ASCC2: variants seen among roughly 807,000 people sequenced by gnomAD.
The protein encoded by ASCC2 is ASC-1 complex subunit P100.
ASCC2 carries 42 observed loss-of-function variants against 93.5 expected under a neutral mutation model. That is an observed-to-expected ratio of 0.45 (90% CI 0.35 to 0.58). ASCC2 has a LOEUF of 0.58. ASCC2 is among the 20% of genes least tolerant of loss of function. ASCC2 has a pLI of 0.00. For synonymous variants in ASCC2, 364 were observed against 384.2 expected (o/e 0.95, Z 0.62); for missense variants, 859 against 977.6 (o/e 0.88, Z 1.62).
At chr22:29,789,327 G>A (rs1363603326) in intron 19 of ASCC2, 143 bp from the exon 20 acceptor site, 2 of 1,027,694 alleles carry the variant, frequency 1.9e-6, no homozygotes. Context: ...GATGGAAGGA[G>A]AGATGGAGCC....
intron 15 of ASCC2, among the ~76,000 whole-genome samples, chr22:29,800,414 T>C (rs756692122): frequency 7.9e-5 from 12 of 152,198 alleles, no homozygotes; most frequent in Non-Finnish European, 1.5e-4. Context: ...CCGTGTCTGT[T>C]TCACTCCCCA....
intron 5 of ASCC2, among the ~76,000 whole-genome samples, chr22:29,820,911 C>A (rs9608816): frequency 0.49 from 60,818 of 123,794 alleles, 13,431 homozygotes; most frequent in East Asian, 0.68. Context: ...CATCTCAATA[C>A]ACAAAAAAAA....
At position 29,827,757 on chromosome 22, in the gene ASCC2, GACACAC is replaced by G. The variant is rs35763537; in HGVS notation, c.82-1983_82-1978del. 1.6e-3 allele frequency among the ~76,000 whole-genome samples: 165 copies of G among 100,984 alleles called. 3 individuals are homozygous for G. Among genetic ancestry groups the G allele is most frequent in the South Asian group, 0.01 (30 of 2,952 alleles). 66.2% of individuals were successfully genotyped at this position (100,984 alleles called of 152,430 possible). On this transcript the variant is annotated intron_variant, in intron 2 of 19. Transcript: ENST00000307790. ...CTCAGGCCAGGCTACTCATTCTCCC[GACACAC>G]ACACACACACACACACACACACACA...
At position 29,789,149 on chromosome 22, in the gene ASCC2, C is replaced by T; in HGVS notation, c.2138G>A (p.Ser713Asn). The change falls in exon 20 of 20, where the codon AGC becomes AAC. Residue 713 changes from serine to asparagine, a missense_variant. Coordinates refer to ENST00000307790, the MANE Select transcript of ASCC2 (RefSeq NM_032204.5). ...RHDSSTAVAG[S>N]PRGHGQSRET... Reference sequence around the variant, plus strand: ...GCGGCTCTGCCCATGGCCTCGGGGGCTGCCGGCCACTGCTGTTGAGCTGTC... The same window carrying T: ...GCGGCTCTGCCCATGGCCTCGGGGGTTGCCGGCCACTGCTGTTGAGCTGTC... 1 of 1,614,140 alleles carries T rather than the reference C, an allele frequency of 6.2e-7. No homozygotes were observed. The highest frequency in any genetic ancestry group is 8.5e-7 in the Non-Finnish European group (1 of 1,180,006).
rs938476199 is a variant in ASCC2 at position 29,792,313 on chromosome 22, G to C, written c.2022+120C>G. The C allele has an allele frequency of 2.6e-6, 4 of 1,518,224 alleles. No homozygotes were observed. The African/African-American group carries it at 4.1e-5, about 16-fold the overall frequency. The allele number at this position is 1,518,224 out of a possible 1,614,324, so 94.0% of individuals were successfully genotyped here. Reference sequence around the variant, plus strand: ...TCCTGGGCTCAAAGGGACTCCTCCTGTCCCTGCCAGTGATGCTGGGGCTGC... The same window carrying C: ...TCCTGGGCTCAAAGGGACTCCTCCTCTCCCTGCCAGTGATGCTGGGGCTGC... On this transcript the variant is annotated intron_variant, in intron 18 of 19. Transcript: ENST00000307790.
intron 18 of ASCC2, 125 bp from the exon 19 acceptor site, chr22:29,790,673 C>G: frequency 1.0e-6 from 1 of 975,748 alleles, no homozygotes; most frequent in South Asian, 1.4e-5. Context: ...GAAGCTGCAG[C>G]CTGGCAGAGC....
intron 6 of ASCC2, 42 bp from the exon 7 acceptor site, chr22:29,814,809 C>T (rs2060651333): frequency 6.5e-7 from 1 of 1,546,788 alleles, no homozygotes; most frequent in Non-Finnish European, 8.9e-7. Context: ...CATACTGAAC[C>T]AGGGCTAGGA....
At chr22:29,816,131 G>C (rs554918447) in intron 5 of ASCC2, 58 bp from the exon 6 acceptor site, 1 of 1,368,426 alleles carries the variant, frequency 7.3e-7, no homozygotes, top group African/African-American at 1.4e-5. Context: ...GGGCAGTGAA[G>C]AGGACACATT....
In ASCC2 at chr22:29,790,087, T is replaced by C. The variant is rs1195679152; in HGVS notation, c.2102+382A>G. 2.6e-5 allele frequency among the ~76,000 whole-genome samples: 4 copies of C among 152,180 alleles called. No individual in the cohort carries two copies. In the East Asian group the frequency reaches 7.7e-4, roughly 29 times the overall value. On this transcript the variant is annotated intron_variant, in intron 19 of 19. Coordinates refer to ENST00000307790, the MANE Select transcript of ASCC2 (RefSeq NM_032204.5). ...ACCTCTATCAGCCAGAAAGGATGTG[T>C]CTGTGTCTGTCTGAGCTCTCTCACA...
At chr22:29,827,159 C>CTT (rs1003897929) in intron 2 of ASCC2, among the ~76,000 whole-genome samples, 1 of 145,320 alleles carries the variant, frequency 6.9e-6, no homozygotes, top group South Asian at 2.1e-4. Context: ...CTGTTCTTTC[C>CTT]TTTTTTTTTG....
At chr22:29,794,717 G>A (rs1369242515) in intron 15 of ASCC2, among the ~76,000 whole-genome samples, 1 of 152,160 alleles carries the variant, frequency 6.6e-6, no homozygotes, top group African/African-American at 2.4e-5. Context: ...ATCGTTGTGT[G>A]GTAGTTGTCA....
intron 1 of ASCC2, among the ~76,000 whole-genome samples, chr22:29,832,910 T>C (rs2063335840): frequency 6.6e-6 from 1 of 152,170 alleles, no homozygotes; most frequent in Admixed American, 6.6e-5. Flanking sequence ...CCAGCTAATT[T>C]TTTAATTTTT....
At position 29,806,379 on chromosome 22, in the gene ASCC2, C is replaced by T. The variant is rs539198117; in HGVS notation, c.1086-89G>A. 1.7e-4 allele frequency: 269 copies of T among 1,572,026 alleles called. 1 individual carries two copies. The East Asian group carries it at 4.8e-3, about 28-fold the overall frequency. On this transcript the variant is annotated intron_variant, in intron 11 of 19. Transcript: ENST00000307790. ...CAGGCCACTCCCTGTGTTTGCAGCCCGACCTTATTAGAGCTGTGGTGGGCC... is the reference window on the plus strand; with the variant it reads ...CAGGCCACTCCCTGTGTTTGCAGCCTGACCTTATTAGAGCTGTGGTGGGCC...
intron 18 of ASCC2, among the ~76,000 whole-genome samples, chr22:29,792,073 A>G (rs973488363): frequency 6.6e-6 from 1 of 152,200 alleles, no homozygotes; most frequent in Non-Finnish European, 1.5e-5. Flanking sequence ...ACCGATCCAG[A>G]TGACCTCCCA....
At chr22:29,821,224 C>T (rs1569414996) in intron 5 of ASCC2, among the ~76,000 whole-genome samples, 1 of 152,140 alleles carries the variant, frequency 6.6e-6, no homozygotes, top group Non-Finnish European at 1.5e-5. Flanking sequence ...TTTGATCAAA[C>T]CTTCTCCCCT....
chr22:29,833,689 C>T (rs1452421372), intron 1 of ASCC2: 3 of 465,808 alleles, frequency 6.4e-6, no homozygotes, highest in African/African-American at 2.0e-5. Flanking sequence ...AAAAACATGC[C>T]ATAAAAGGCT....
chr22:29,831,888 C>T (rs911518540), intron 2 of ASCC2, among the ~76,000 whole-genome samples: 2 of 152,222 alleles, frequency 1.3e-5, no homozygotes, highest in Non-Finnish European at 2.9e-5. Flanking sequence ...TCTGAAAACG[C>T]TACCTGAAAC....
chr22:29,817,522 G>C (rs2061002458), intron 5 of ASCC2, among the ~76,000 whole-genome samples: 1 of 152,070 alleles, frequency 6.6e-6, no homozygotes, highest in Non-Finnish European at 1.5e-5. Flanking sequence ...CATAAGGCAG[G>C]TGTCACCTCC....
At chr22:29,821,970 G>A (rs974673389) in intron 5 of ASCC2, 2 of 447,344 alleles carry the variant, frequency 4.5e-6, no homozygotes, top group African/African-American at 4.1e-5. Context: ...CTGCACTCTT[G>A]CCTGAGTGAC....
Sources: gnomAD v4.1 joint callset for allele counts (sites outside exome capture counted in the v4.1 genomes callset) on GRCh38, gnomAD v4.1.1 for gene constraint, MANE v1.5 for transcripts, NCBI Gene and HGNC (gene_info 2026-07-23, HGNC 2026-07-21) for gene names.